SCAPER: variants seen among roughly 807,000 people sequenced by gnomAD.
SCAPER encodes S-phase cyclin A associated protein in the ER.
Under a neutral mutation model 182.2 loss-of-function variants are expected in SCAPER, and 98 were observed. That is an observed-to-expected ratio of 0.54 (90% CI 0.46 to 0.64). The LOEUF (loss-of-function observed/expected upper bound fraction) is 0.64. SCAPER is among the 30% of genes least tolerant of loss of function. SCAPER has a pLI of 0.00. For missense variants in SCAPER, 1,432 were observed against 1,690.0 expected (o/e 0.85, Z 2.68); for synonymous variants, 605 against 564.6 (o/e 1.07, Z -1.01).
At chr15:76,800,184 T>C in intron 7 of SCAPER, 64 bp downstream of exon 7, 1 of 874,854 alleles carries the variant, frequency 1.1e-6, no homozygotes, top group Admixed American at 2.5e-5. Context: ...AGAATCATAA[T>C]ACTATAATAA....
chr15:76,741,159 A>T (rs2061518697), intron 15 of SCAPER, among the ~76,000 whole-genome samples: 1 of 152,120 alleles, frequency 6.6e-6, no homozygotes, highest in South Asian at 2.1e-4. Flanking sequence ...CTTACTACGA[A>T]GTATCATGTA....
chr15:76,646,963 TG>T (rs377239365), intron 21 of SCAPER, among the ~76,000 whole-genome samples: 47 of 152,332 alleles, frequency 3.1e-4, no homozygotes, highest in African/African-American at 1.1e-3. Flanking sequence ...CAGACCATCA[TG>T]CCTTGAGCCT....
At chr15:76,776,863 A>G (rs2063776180) in intron 8 of SCAPER, among the ~76,000 whole-genome samples, 1 of 152,200 alleles carries the variant, frequency 6.6e-6, no homozygotes, top group South Asian at 2.1e-4. Flanking sequence ...TTGAGTTACT[A>G]GAGTTCAAGA....
chr15:76,371,778 C>T (rs1394205597), intron 29 of SCAPER, among the ~76,000 whole-genome samples: 1 of 151,598 alleles, frequency 6.6e-6, no homozygotes, highest in African/African-American at 2.4e-5. Flanking sequence ...ATTAGCCGGG[C>T]GTGGTGGCGC....
At chr15:76,661,288 A>G (rs769861017) in intron 21 of SCAPER, among the ~76,000 whole-genome samples, 1 of 152,194 alleles carries the variant, frequency 6.6e-6, no homozygotes, top group Non-Finnish European at 1.5e-5. Flanking sequence ...TTATGATGAA[A>G]TCGCCAAAAG....
At chr15:76,412,292 G>A (rs919559084) in intron 26 of SCAPER, among the ~76,000 whole-genome samples, 18 of 152,016 alleles carry the variant, frequency 1.2e-4, no homozygotes, top group African/African-American at 3.4e-4. Context: ...GTCAAAATCC[G>A]TAAGATATTT....
At chr15:76,853,049 C>G (rs761087931) in intron 4 of SCAPER, among the ~76,000 whole-genome samples, 1 of 152,172 alleles carries the variant, frequency 6.6e-6, no homozygotes, top group African/African-American at 2.4e-5. Context: ...GCTATGAACA[C>G]CTCTGTGCAT....
chr15:76,689,853 A>C (rs1308145928), intron 20 of SCAPER, among the ~76,000 whole-genome samples: 2 of 152,070 alleles, frequency 1.3e-5, no homozygotes, highest in Non-Finnish European at 2.9e-5. Context: ...AACTAACTGA[A>C]AGAGCTCCTA....
chr15:76,611,573 T>G (rs2050997586), intron 22 of SCAPER, among the ~76,000 whole-genome samples: 1 of 151,968 alleles, frequency 6.6e-6, no homozygotes, highest in South Asian at 2.1e-4. Flanking sequence ...CCTTAACAGA[T>G]CCTATAAGGC....
chr15:76,372,036 TA>T lies in SCAPER; in HGVS notation c.3855+4125del, dbSNP rs369246202. Among the ~76,000 whole-genome samples, 227 of 151,626 alleles carry T rather than the reference TA, an allele frequency of 1.5e-3. 1 individual carries two copies. Among genetic ancestry groups the T allele is most frequent in the African/African-American group, 5.0e-3 (208 of 41,398 alleles). On this transcript the variant is annotated intron_variant, in intron 29 of 31. Transcript: ENST00000563290. ...TTCTTACTTCTCTACCTTTTTTTTT[TA>T]ATCTTGTTCTTTCTTCTCATAGATT...
chr15:76,764,761 A>G (rs990048865), intron 14 of SCAPER, among the ~76,000 whole-genome samples, 200 bp downstream of exon 14: 10 of 152,228 alleles, frequency 6.6e-5, no homozygotes, highest in African/African-American at 1.9e-4. Context: ...ACCCTGCAAA[A>G]TATCAATTTA....
chr15:76,583,549 A>G (rs1367720944), intron 22 of SCAPER, among the ~76,000 whole-genome samples: 2 of 152,216 alleles, frequency 1.3e-5, no homozygotes, highest in Non-Finnish European at 2.9e-5. Context: ...ACCAGAATAT[A>G]TAAGAGCTGA....
chr15:76,663,056 C>T (rs1457975631), intron 21 of SCAPER, among the ~76,000 whole-genome samples: 3 of 152,086 alleles, frequency 2.0e-5, no homozygotes, highest in Non-Finnish European at 4.4e-5. Flanking sequence ...CATCTCAATA[C>T]ATACATCTGT....
chr15:76,425,930 T>A (rs1244228726), intron 26 of SCAPER, among the ~76,000 whole-genome samples: 2 of 152,230 alleles, frequency 1.3e-5, no homozygotes, highest in African/African-American at 4.8e-5. Context: ...GAACAGCGAA[T>A]ATTGCTGAAC....
At chr15:76,395,181 A>G (rs1464236522) in intron 27 of SCAPER, among the ~76,000 whole-genome samples, 1 of 152,200 alleles carries the variant, frequency 6.6e-6, no homozygotes, top group Admixed American at 6.5e-5. Flanking sequence ...AGAGGATCTC[A>G]TTCTTTTTTA....
intron 1 of SCAPER, among the ~76,000 whole-genome samples, chr15:76,903,178 T>C (rs543634577): frequency 6.6e-6 from 1 of 152,340 alleles, no homozygotes; most frequent in Non-Finnish European, 1.5e-5. Context: ...ATCAATCTTT[T>C]AGGAGTTCTT....
intron 4 of SCAPER, among the ~76,000 whole-genome samples, chr15:76,850,467 G>A (rs1053059165): frequency 1.3e-5 from 2 of 152,144 alleles, no homozygotes; most frequent in Non-Finnish European, 2.9e-5. Context: ...AAGAACCAAT[G>A]CAAGAACTCC....
At chr15:76,891,349 G>A (rs2074153694) in intron 1 of SCAPER, among the ~76,000 whole-genome samples, 1 of 152,136 alleles carries the variant, frequency 6.6e-6, no homozygotes, top group African/African-American at 2.4e-5. Flanking sequence ...GAAATAAAGG[G>A]TATTCAATTA....
At chr15:76,643,287 C>T (rs1489134350) in intron 21 of SCAPER, among the ~76,000 whole-genome samples, 5 of 152,214 alleles carry the variant, frequency 3.3e-5, no homozygotes, top group Non-Finnish European at 7.3e-5. Context: ...TTACTGAACA[C>T]TGTTCAATAA....
Sources: allele counts gnomAD v4.1 joint callset (sites outside exome capture counted in the v4.1 genomes callset), GRCh38; gene constraint gnomAD v4.1.1; transcripts MANE v1.5; gene names NCBI Gene and HGNC (gene_info 2026-07-23, HGNC 2026-07-21).